The following MMUT variants were observed in gnomAD, a reference collection of about 807,000 sequenced individuals.
The protein encoded by MMUT is methylmalonyl-CoA mutase, mitochondrial.
In MMUT, 79 loss-of-function variants were observed where a neutral mutation model predicts 79.9. The ratio of observed to expected loss-of-function variants is 0.99; its 90% confidence interval spans 0.82 to 1.19. MMUT has a LOEUF of 1.19. MMUT is among the 50% of genes most tolerant of loss of function. The pLI, the probability that MMUT is intolerant of heterozygous loss-of-function variation, is 0.00. For synonymous variants in MMUT, 273 were observed against 295.7 expected (o/e 0.92, Z 0.79); for missense variants, 860 against 917.2 (o/e 0.94, Z 0.81).
chr6:49,443,841 C>A (rs1767341812), intron 9 of MMUT: 1 of 417,000 alleles, frequency 2.4e-6, no homozygotes, highest in Non-Finnish European at 4.8e-6. Flanking sequence ...AGATTAGATT[C>A]TGTTTTTCAC....
At chr6:49,453,877 T>C in intron 4 of MMUT, 121 bp from the exon 5 acceptor site, 2 of 862,530 alleles carry the variant, frequency 2.3e-6, no homozygotes, top group South Asian at 3.1e-5. Context: ...AAGAACTTAA[T>C]TTGAATTAAG....
At chr6:49,460,766 T>C (rs1767821857) in intron 1 of MMUT, among the ~76,000 whole-genome samples, 1 of 152,234 alleles carries the variant, frequency 6.6e-6, no homozygotes, top group South Asian at 2.1e-4. Context: ...AATTTTATTT[T>C]CCATACCACT....
intron 8 of MMUT, among the ~76,000 whole-genome samples, chr6:49,445,149 T>TA (rs1434038266): frequency 1.3e-5 from 2 of 152,098 alleles, no homozygotes; most frequent in African/African-American, 2.4e-5. Context: ...AATCAAAACT[T>TA]AGAGAATATT....
In MMUT at chr6:49,441,993, C is replaced by A. The variant is rs375016162; in HGVS notation, c.1677-22G>T. ...ACATCTGAAACATGAAATGGTGGTT[C>A]CATTAACTTCATTATTTTGTGATAA... On this transcript the variant is annotated intron_variant, in intron 9 of 12. Coordinates refer to ENST00000274813, the MANE Select transcript of MMUT (RefSeq NM_000255.4). 139 of 1,597,630 alleles carry A rather than the reference C, an allele frequency of 8.7e-5. No homozygotes were observed. The African/African-American group carries it at 1.5e-3, about 18-fold the overall frequency.
In MMUT at chr6:49,457,936, T is replaced by A; in HGVS notation, c.508A>T (p.Thr170Ser). The A allele has an allele frequency of 1.2e-6, 2 of 1,613,176 alleles. No individual in the cohort carries two copies. The highest frequency in any genetic ancestry group is 1.7e-6 in the Non-Finnish European group (2 of 1,179,982). Residue 170 changes from threonine (T) to serine (S), a missense_variant, in exon 3 of 13, where the codon ACC (threonine) becomes TCC (serine). Thr to Ser is a moderately conservative substitution (Grantham distance 58). Transcript: ENST00000274813. ...AGVAIDTVED[T>S]KILFDGIPLE... Reference sequence around the variant, plus strand: ...GGAATTCCATCAAAAAGAATTTTGGTATCTTCCACAGTGTCAATAGCAACT... The same window carrying A: ...GGAATTCCATCAAAAAGAATTTTGGAATCTTCCACAGTGTCAATAGCAACT...
chr6:49,448,119 AG>A (rs1365158147), intron 7 of MMUT, among the ~76,000 whole-genome samples: 1 of 152,070 alleles, frequency 6.6e-6, no homozygotes, highest in African/African-American at 2.4e-5. Flanking sequence ...ATGAATACCC[AG>A]TAGCTTTTCT....
At chr6:49,448,329 C>G (rs984877627) in intron 7 of MMUT, among the ~76,000 whole-genome samples, 1 of 152,000 alleles carries the variant, frequency 6.6e-6, no homozygotes, top group Non-Finnish European at 1.5e-5. Flanking sequence ...TCCTTCATAG[C>G]ACTTATCATG....
chr6:49,438,978 G>T (rs575992798), intron 11 of MMUT, among the ~76,000 whole-genome samples: 1 of 152,104 alleles, frequency 6.6e-6, no homozygotes, highest in Non-Finnish European at 1.5e-5. Flanking sequence ...GTGATCATGT[G>T]AGTTAACACT....
chr6:49,459,271 C>G lies in MMUT; in HGVS notation c.196G>C (p.Gly66Arg). 6.2e-7 allele frequency: 1 copy of G among 1,614,116 alleles called. No individual in the cohort carries two copies. Among genetic ancestry groups the G allele is most frequent in the Admixed American group, 1.7e-5 (1 of 60,010 alleles). The change falls in exon 2 of 13, where the codon GGG becomes CGG. Residue 66 changes from glycine (G) to arginine (R), a missense_variant. Gly to Arg is a moderately radical substitution (Grantham distance 125, BLOSUM62 -2). Transcript: ENST00000274813. ...PEDLIWHTPE[G>R]ISIKPLYSKR... Reference sequence around the variant, plus strand: ...GAATACAAGGGTTTTATAGAGATCCCTTCCGGGGTGTGCCATATTAGGTCT... The same window carrying G: ...GAATACAAGGGTTTTATAGAGATCCGTTCCGGGGTGTGCCATATTAGGTCT...
chr6:49,442,135 T>G (rs9463483), intron 9 of MMUT, among the ~76,000 whole-genome samples, 164 bp from the exon 10 acceptor site: 116 of 152,040 alleles, frequency 7.6e-4, no homozygotes, highest in Non-Finnish European at 1.5e-3. Context: ...TCTTCTGAAA[T>G]TACTTAAGAA....
intron 5 of MMUT, among the ~76,000 whole-genome samples, chr6:49,452,075 A>G (rs923449004): frequency 1.3e-5 from 2 of 152,192 alleles, no homozygotes; most frequent in Non-Finnish European, 2.9e-5. Context: ...ACCTCACAGT[A>G]TCTACCACAA....
intron 10 of MMUT, 102 bp downstream of exon 10, chr6:49,441,738 A>C: frequency 9.3e-7 from 1 of 1,073,014 alleles, no homozygotes; most frequent in East Asian, 3.3e-5. Context: ...AAATTCAAAA[A>C]TTTTCTCAGT....
rs769848451 is a variant in MMUT at position 49,451,576 on chromosome 6, T to A, written c.1222A>T (p.Thr408Ser). The change falls in exon 6 of 13, where the codon ACA becomes TCA. Residue 408 changes from threonine (T) to serine (S), a missense_variant. Coordinates refer to ENST00000274813, the MANE Select transcript of MMUT (RefSeq NM_000255.4). The stretch of plus-strand genomic sequence containing the variant: ...GATTCTTCTTGAATGATGATTTGTG[T>A]GTTCCTGGCAATTCGAGCACTTTTC... ...TVKSARIARN[T>S]QIIIQEESGI... 1 of 1,614,156 alleles carries A rather than the reference T, an allele frequency of 6.2e-7. No homozygotes were observed.
chr6:49,433,082 G>T (rs9463480), intron 12 of MMUT, among the ~76,000 whole-genome samples: 53,929 of 152,018 alleles, frequency 0.35, 9,747 homozygotes, highest in African/African-American at 0.39. Flanking sequence ...TGAGAGTAGA[G>T]ATCATGTCCA....
intron 8 of MMUT, among the ~76,000 whole-genome samples, chr6:49,446,392 T>C (rs765636772): frequency 6.6e-6 from 1 of 151,920 alleles, no homozygotes; most frequent in African/African-American, 2.4e-5. Flanking sequence ...ATTTTTGTAA[T>C]AGAAGAACTT....
chr6:49,448,906 T>C lies in MMUT; in HGVS notation c.1354A>G (p.Met452Val), dbSNP rs1371695886. 5 of 1,612,536 alleles carry C rather than the reference T, an allele frequency of 3.1e-6. No homozygotes were observed. In the South Asian group the frequency reaches 5.5e-5, roughly 18 times the overall value. Reference sequence around the variant, plus strand: ...GCTACAGCTTTGGCCATTCCACCCATTTCTTCAATTTCATTAATGAGCTAA... The same window carrying C: ...GCTACAGCTTTGGCCATTCCACCCACTTCTTCAATTTCATTAATGAGCTAA... ...ALKLINEIEE[M>V]GGMAKAVAEG... is the part of the protein sequence containing the mutation. The change falls in exon 7 of 13, where the codon ATG (methionine) becomes GTG (valine). Residue 452 changes from methionine (M) to valine (V), a missense_variant. By Grantham distance (21) the Met-to-Val change is conservative. Transcript: ENST00000274813.
rs1225064290 is a variant in MMUT, at chr6:49,438,176, T to C, written c.1956+2030A>G. On this transcript the variant is annotated intron_variant, in intron 11 of 12. Transcript: ENST00000274813. ...TGGTAGATGATCAATACATATGTAG[T>C]AGAGAAGGCTTTTCATATAAAATTA... Among the ~76,000 whole-genome samples the C allele has an allele frequency of 2.6e-5, 4 of 152,142 alleles. No individual in the cohort carries two copies. In the East Asian group the frequency reaches 7.7e-4, roughly 29 times the overall value.
intron 8 of MMUT, among the ~76,000 whole-genome samples, chr6:49,446,677 T>A (rs537030994): frequency 6.6e-6 from 1 of 151,952 alleles, no homozygotes; most frequent in South Asian, 2.1e-4. Flanking sequence ...ACACAGTAAG[T>A]GCTCAATAAA....
intron 9 of MMUT, among the ~76,000 whole-genome samples, chr6:49,444,131 C>T (rs1223448078): frequency 1.3e-5 from 2 of 152,022 alleles, no homozygotes; most frequent in Non-Finnish European, 2.9e-5. Context: ...TATTCTACTC[C>T]TAAAGGAACA....
Sources: gnomAD v4.1 joint callset for allele counts (sites outside exome capture counted in the v4.1 genomes callset) on GRCh38, gnomAD v4.1.1 for gene constraint, MANE v1.5 for transcripts, NCBI Gene and HGNC (gene_info 2026-07-23, HGNC 2026-07-21) for gene names.